The following NRG3 variants were observed in gnomAD, a reference collection of about 807,000 sequenced individuals.
NRG3 encodes neuregulin 3.
Under a neutral mutation model 66.9 loss-of-function variants are expected in NRG3, and 31 were observed. The ratio of observed to expected loss-of-function variants is 0.46; its 90% CI spans 0.35 to 0.63. The LOEUF is 0.63. Ranked by LOEUF, NRG3 falls within the 20% of genes least tolerant of loss-of-function variation. NRG3 has a pLI of 0.00. For synonymous variants in NRG3, 393 were observed against 359.4 expected, an observed-to-expected ratio of 1.09 and a Z score of -1.06; for missense variants, 910 against 878.9, an observed-to-expected ratio of 1.04 and a Z score of -0.45.
At chr10:82,705,649 G>A (rs904894057) in intron 2 of NRG3, among the ~76,000 whole-genome samples, 2 of 152,146 alleles carry the variant, frequency 1.3e-5, no homozygotes, top group Admixed American at 6.5e-5. Context: ...GTGTTGATTC[G>A]TTATCTGAGG....
At position 82,370,778 on chromosome 10, in the gene NRG3, G is replaced by A. The variant is rs955744795; in HGVS notation, c.953+11910G>A. ...AGAAAACTAAAAAATTGACAGAAGG[G>A]CCAAGCATTCCTTGTTTTATAGAAA... On this transcript the variant is annotated intron_variant, in intron 2 of 8. Transcript: ENST00000372141. Among the ~76,000 whole-genome samples, 5 of 152,026 alleles carry A rather than the reference G, an allele frequency of 3.3e-5. No individual in the cohort carries two copies. In the East Asian group the frequency reaches 9.7e-4, roughly 29 times the overall value.
At chr10:82,730,521 C>T (rs1202034457) in intron 2 of NRG3, among the ~76,000 whole-genome samples, 2 of 152,152 alleles carry the variant, frequency 1.3e-5, no homozygotes, top group African/African-American at 4.8e-5. Flanking sequence ...GGAAAACCTT[C>T]AAGAGTTCTA....
At chr10:81,894,693 G>C (rs1036279412) in intron 1 of NRG3, among the ~76,000 whole-genome samples, 26 of 152,262 alleles carry the variant, frequency 1.7e-4, no homozygotes, top group African/African-American at 6.3e-4. Context: ...TGTAGACAGT[G>C]CATGGAGACT....
At chr10:82,509,090 T>C (rs1844935564) in intron 2 of NRG3, among the ~76,000 whole-genome samples, 1 of 152,130 alleles carries the variant, frequency 6.6e-6, no homozygotes, top group African/African-American at 2.4e-5. Context: ...CAGGTGAACA[T>C]TCCTAAACCC....
chr10:81,980,692 A>G (rs2060301950), intron 1 of NRG3, among the ~76,000 whole-genome samples: 1 of 152,160 alleles, frequency 6.6e-6, no homozygotes, highest in Non-Finnish European at 1.5e-5. Flanking sequence ...ACAAAATATC[A>G]TATAATAGGT....
intron 1 of NRG3, among the ~76,000 whole-genome samples, chr10:82,266,585 T>A (rs1291867672): frequency 6.6e-6 from 1 of 152,276 alleles, no homozygotes; most frequent in Admixed American, 6.5e-5. Flanking sequence ...GTCTCATTAC[T>A]AAAGGTAGAC....
At chr10:82,353,969 C>G (rs147540843) in intron 1 of NRG3, among the ~76,000 whole-genome samples, 1 of 150,614 alleles carries the variant, frequency 6.6e-6, no homozygotes, top group Non-Finnish European at 1.5e-5. Context: ...TAACTTACTT[C>G]GCTTCCCAGA....
intron 3 of NRG3, among the ~76,000 whole-genome samples, chr10:82,766,044 T>C (rs1325248865): frequency 6.6e-6 from 1 of 152,118 alleles, no homozygotes; most frequent in East Asian, 1.9e-4. Flanking sequence ...TTGAACAAAA[T>C]CTCTTTTTAA....
intron 1 of NRG3, among the ~76,000 whole-genome samples, chr10:82,064,407 C>T (rs1328996756): frequency 2.0e-5 from 3 of 151,158 alleles, no homozygotes; most frequent in Admixed American, 6.6e-5. Context: ...AATAAAAATC[C>T]CATTCACTAA....
At chr10:81,886,060 G>A (rs545621549) in intron 1 of NRG3, among the ~76,000 whole-genome samples, 9 of 152,184 alleles carry the variant, frequency 5.9e-5, no homozygotes, top group South Asian at 2.1e-4. Flanking sequence ...TAATGCACGC[G>A]GGGCTTAATA....
At chr10:82,041,239 A>G (rs1383507192) in intron 1 of NRG3, among the ~76,000 whole-genome samples, 7 of 152,016 alleles carry the variant, frequency 4.6e-5, no homozygotes, top group African/African-American at 1.7e-4. Context: ...CCCTTACTGG[A>G]ATTCTTGCCA....
chr10:82,676,660 T>A (rs1402579288), intron 2 of NRG3, among the ~76,000 whole-genome samples: 1 of 152,016 alleles, frequency 6.6e-6, no homozygotes, highest in African/African-American at 2.4e-5. Flanking sequence ...ATTTTTGTAT[T>A]TTTAGTAGAG....
chr10:82,243,962 A>AT (rs1057106025), intron 1 of NRG3, among the ~76,000 whole-genome samples: 8 of 152,076 alleles, frequency 5.3e-5, no homozygotes, highest in African/African-American at 1.9e-4. Context: ...TGTTAGACTA[A>AT]TTTTTTTAAA....
At chr10:82,479,642 C>A in intron 2 of NRG3, among the ~76,000 whole-genome samples, 1 of 105,646 alleles carries the variant, frequency 9.5e-6, no homozygotes, top group South Asian at 3.5e-4. Flanking sequence ...CCAGCATGGA[C>A]AACAAGAGCA....
intron 1 of NRG3, among the ~76,000 whole-genome samples, chr10:82,235,245 T>C (rs1367168681): frequency 6.6e-6 from 1 of 152,182 alleles, no homozygotes; most frequent in Non-Finnish European, 1.5e-5. Context: ...CCTGCAAAAA[T>C]ATTAGTACTG....
intron 2 of NRG3, among the ~76,000 whole-genome samples, chr10:82,661,853 A>G (rs1468030954): frequency 2.0e-5 from 3 of 152,364 alleles, no homozygotes; most frequent in Admixed American, 2.0e-4. Flanking sequence ...GATGCTCCAA[A>G]TGAATACATT....
At chr10:82,953,723 G>T (rs1361189956) in intron 5 of NRG3, among the ~76,000 whole-genome samples, 1 of 151,882 alleles carries the variant, frequency 6.6e-6, no homozygotes, top group Non-Finnish European at 1.5e-5. Flanking sequence ...TGTAATCCCA[G>T]CACTTTGGGA....
intron 1 of NRG3, among the ~76,000 whole-genome samples, chr10:82,357,328 CA>C (rs2083846867): frequency 6.6e-6 from 1 of 152,144 alleles, no homozygotes; most frequent in Non-Finnish European, 1.5e-5. Flanking sequence ...GTGGGAGAGA[CA>C]GGGGTGAGTT....
chr10:82,008,468 C>G (rs750375517), intron 1 of NRG3, among the ~76,000 whole-genome samples: 1 of 152,118 alleles, frequency 6.6e-6, no homozygotes, highest in African/African-American at 2.4e-5. Flanking sequence ...TTGAGGACAG[C>G]AAATATCTGT....
Sources: allele counts gnomAD v4.1 joint callset (sites outside exome capture counted in the v4.1 genomes callset), GRCh38; gene constraint gnomAD v4.1.1; transcripts MANE v1.5; gene names NCBI Gene and HGNC (gene_info 2026-07-23, HGNC 2026-07-21).